GALNT13: variants seen among roughly 807,000 people sequenced by gnomAD.
GALNT13 encodes UDP-GalNAc:polypeptide N-acetylgalactosaminyltransferase 13.
In GALNT13, 28 loss-of-function variants were observed where a neutral mutation model predicts 64.2. The observed-to-expected ratio is 0.44, with a 90% CI of 0.32 to 0.60. GALNT13 has a LOEUF of 0.60. GALNT13 is among the 20% of genes least tolerant of loss of function. The probability of loss-of-function intolerance (pLI) is 0.05; values close to 1 mark genes in which losing one functional copy is unlikely to be tolerated. For synonymous variants in GALNT13, 214 were observed against 224.6 expected (o/e 0.95, Z 0.42); for missense variants, 577 against 669.8 (o/e 0.86, Z 1.53).
intron 4 of GALNT13, among the ~76,000 whole-genome samples, chr2:154,198,351 TTTTTG>T (rs1169084892): frequency 2.0e-5 from 3 of 152,018 alleles, no homozygotes; most frequent in Admixed American, 6.6e-5. Context: ...TCTTTGTTGT[TTTTTG>T]TTTTGTTTTG....
chr2:153,581,114 T>A, the GALNT13 span, among the ~76,000 whole-genome samples: 3 of 152,158 alleles, frequency 2.0e-5, no homozygotes, highest in African/African-American at 7.2e-5. Flanking sequence ...TCTTCATGTC[T>A]TGCTTGTACC....
At chr2:153,807,298 G>A in the GALNT13 span, among the ~76,000 whole-genome samples, 2 of 151,530 alleles carry the variant, frequency 1.3e-5, no homozygotes, top group South Asian at 4.2e-4. Flanking sequence ...CTTGAATAAG[G>A]TTTTTATGTA....
At chr2:154,014,805 G>T (rs913174583) in intron 3 of GALNT13, among the ~76,000 whole-genome samples, 2 of 151,208 alleles carry the variant, frequency 1.3e-5, no homozygotes, top group African/African-American at 2.4e-5. Flanking sequence ...GCTAATTTTT[G>T]TATTTTTAGT....
At chr2:153,931,556 G>A (rs993766896) in intron 2 of GALNT13, among the ~76,000 whole-genome samples, 2 of 152,070 alleles carry the variant, frequency 1.3e-5, no homozygotes, top group Non-Finnish European at 2.9e-5. Context: ...TTTTTAACAT[G>A]ATGCCATGTT....
chr2:153,241,680 G>C, the GALNT13 span, among the ~76,000 whole-genome samples: 14 of 142,590 alleles, frequency 9.8e-5, no homozygotes, highest in Admixed American at 9.2e-4. Flanking sequence ...TGTGTGTGTA[G>C]GTGGTAAATG....
chr2:153,630,795 ATATATATATATATTTT>A, the GALNT13 span, among the ~76,000 whole-genome samples: 25 of 13,954 alleles, frequency 1.8e-3, no homozygotes, highest in East Asian at 5.3e-3. Flanking sequence ...ATATATATAT[ATATATATATATATTTT>A]TTTTTTTTTT....
intron 3 of GALNT13, among the ~76,000 whole-genome samples, chr2:154,100,183 C>A (rs1054148392): frequency 6.6e-6 from 1 of 151,886 alleles, no homozygotes; most frequent in Non-Finnish European, 1.5e-5. Context: ...ATTTCTTTGG[C>A]CATTTGGGCA....
chr2:153,490,405 A>T, the GALNT13 span, among the ~76,000 whole-genome samples: 1 of 152,046 alleles, frequency 6.6e-6, no homozygotes, highest in South Asian at 2.1e-4. Context: ...TTTTGAGACA[A>T]AGTCTTGCTC....
the GALNT13 span, among the ~76,000 whole-genome samples, chr2:153,489,645 C>A: frequency 6.6e-6 from 1 of 151,970 alleles, no homozygotes; most frequent in African/African-American, 2.4e-5. Context: ...ACCTATGTTT[C>A]GATTAATACA....
At chr2:154,283,928 G>A (rs1043559170) in intron 8 of GALNT13, among the ~76,000 whole-genome samples, 1 of 152,144 alleles carries the variant, frequency 6.6e-6, no homozygotes, top group Non-Finnish European at 1.5e-5. Context: ...TGTGGGCTGT[G>A]CCTGATAGGG....
chr2:153,509,424 GC>G, the GALNT13 span, among the ~76,000 whole-genome samples: 2 of 152,264 alleles, frequency 1.3e-5, no homozygotes, highest in African/African-American at 4.8e-5. Flanking sequence ...CTTCAGACGG[GC>G]CACCGCTGCC....
chr2:153,579,189 G>C, the GALNT13 span, among the ~76,000 whole-genome samples: 1 of 152,152 alleles, frequency 6.6e-6, no homozygotes. Context: ...ATCCTGAGTG[G>C]CTAGTCCCAA....
the GALNT13 span, among the ~76,000 whole-genome samples, chr2:153,216,064 G>C: frequency 1.3e-5 from 2 of 151,958 alleles, no homozygotes; most frequent in Non-Finnish European, 2.9e-5. Flanking sequence ...GAATGTTAAA[G>C]AAGTGGAATG....
chr2:153,802,538 C>G, the GALNT13 span, among the ~76,000 whole-genome samples: 1 of 152,280 alleles, frequency 6.6e-6, no homozygotes, highest in Admixed American at 6.5e-5. Context: ...TCTGCTCACT[C>G]TGCTGTGTTT....
chr2:154,012,730 A>C (rs1277269847), intron 3 of GALNT13, among the ~76,000 whole-genome samples: 1 of 151,998 alleles, frequency 6.6e-6, no homozygotes, highest in Non-Finnish European at 1.5e-5. Context: ...TCTTCACATA[A>C]TCTCACATTT....
chr2:153,646,636 C>T, the GALNT13 span, among the ~76,000 whole-genome samples: 20 of 152,042 alleles, frequency 1.3e-4, no homozygotes, highest in South Asian at 2.1e-3. Context: ...CAACAGGCCC[C>T]GGTGTGCGAT....
At chr2:153,301,737 G>A in the GALNT13 span, among the ~76,000 whole-genome samples, 3 of 152,008 alleles carry the variant, frequency 2.0e-5, no homozygotes, top group African/African-American at 4.8e-5. Flanking sequence ...AGTTCTAAAA[G>A]TTCACACATA....
chr2:154,056,051 T>G (rs543381456), intron 3 of GALNT13, among the ~76,000 whole-genome samples: 1 of 152,266 alleles, frequency 6.6e-6, no homozygotes, highest in African/African-American at 2.4e-5. Flanking sequence ...TGATCCCTCA[T>G]AAAGACAAAA....
chr2:153,149,173 A>T, the GALNT13 span, among the ~76,000 whole-genome samples: 1 of 151,874 alleles, frequency 6.6e-6, no homozygotes, highest in Admixed American at 6.6e-5. Flanking sequence ...GGTCCAGATA[A>T]TCTAGGCAGA....
Sources: gnomAD v4.1 joint callset for allele counts (sites outside exome capture counted in the v4.1 genomes callset) on GRCh38, gnomAD v4.1.1 for gene constraint, MANE v1.5 for transcripts, NCBI Gene and HGNC (gene_info 2026-07-23, HGNC 2026-07-21) for gene names.